ARHGEF37: variants seen among roughly 807,000 people sequenced by gnomAD.
The protein encoded by ARHGEF37 is Rho guanine nucleotide exchange factor (GEF) 37.
Under a neutral mutation model 71.1 loss-of-function variants are expected in ARHGEF37, and 55 were observed. The ratio of observed to expected loss-of-function variants is 0.77; its 90% CI spans 0.62 to 0.97. ARHGEF37 has a LOEUF of 0.97. ARHGEF37 is among the 50% of genes least tolerant of loss of function. The pLI is 0.00. For missense variants in ARHGEF37, 765 were observed against 836.8 expected, an observed-to-expected ratio of 0.91 and a Z score of 1.06; for synonymous variants, 327 against 350.6, an observed-to-expected ratio of 0.93 and a Z score of 0.75.
chr5:149,628,928 A>G lies in ARHGEF37; in HGVS notation c.1780A>G (p.Ser594Gly). The G allele has an allele frequency of 6.2e-7, 1 of 1,613,088 alleles. No homozygotes were observed. Among genetic ancestry groups the G allele is most frequent in the Non-Finnish European group, 8.5e-7 (1 of 1,179,992 alleles). ...CCCCCGATGTCTAACACCGGAGCCC[A>G]GCCCAGCTCTAGTGCCCTCTATTCC... is the stretch of plus-strand genomic sequence containing the variant. ...KDPRCLTPEP[S>G]PALVPSIPTM... Residue 594 changes from serine to glycine, a missense_variant, in exon 12 of 13, where the codon AGC (serine) becomes GGC (glycine). Ser to Gly is a moderately conservative substitution (Grantham distance 56, BLOSUM62 0). Around this residue, in one of 5 missense-constraint regions of ARHGEF37, gnomAD observed 390 missense variants for 407.4 expected, o/e 0.96. Transcript: ENST00000333677.
chr5:149,621,654 A>C, intron 8 of ARHGEF37, 79 bp from the exon 9 acceptor site: 1 of 1,342,420 alleles, frequency 7.4e-7, no homozygotes, highest in Non-Finnish European at 1.0e-6. Flanking sequence ...CCAGGCCTGC[A>C]TGCTTCCAAA....
At chr5:149,613,092 A>AC (rs1398129284) in intron 4 of ARHGEF37, among the ~76,000 whole-genome samples, 1 of 152,236 alleles carries the variant, frequency 6.6e-6, no homozygotes, top group East Asian at 1.9e-4. Flanking sequence ...CAATTCCAGA[A>AC]TGATGGCTGA....
chr5:149,629,632 A>G (rs1478407058), intron 12 of ARHGEF37, among the ~76,000 whole-genome samples: 1 of 152,130 alleles, frequency 6.6e-6, no homozygotes, highest in African/African-American at 2.4e-5. Context: ...GACAGACTGG[A>G]GTGTCGTGCT....
chr5:149,613,979 G>A (rs1053136950), intron 4 of ARHGEF37, among the ~76,000 whole-genome samples: 2 of 151,526 alleles, frequency 1.3e-5, no homozygotes, highest in African/African-American at 4.9e-5. Context: ...GCCCAGGCTG[G>A]TCTCCAACTC....
chr5:149,594,516 T>C (rs1450964141), intron 1 of ARHGEF37, among the ~76,000 whole-genome samples: 1 of 152,212 alleles, frequency 6.6e-6, no homozygotes, highest in Non-Finnish European at 1.5e-5. Context: ...TACTCTCCGA[T>C]CTATGGAACA....
chr5:149,624,612 A>G lies in ARHGEF37; in HGVS notation c.1464+472A>G, dbSNP rs981141652. ...AACATGGCAAAACCCTGTCTCTACT[A>G]AAAATACAAAAATTAGCTGAGCGTG... is the stretch of plus-strand genomic sequence containing the variant. On this transcript the variant is annotated intron_variant, in intron 10 of 12. Coordinates refer to ENST00000333677, the MANE Select transcript of ARHGEF37 (RefSeq NM_001001669.3). 2.1e-5 allele frequency among the ~76,000 whole-genome samples: 3 copies of G among 146,268 alleles called. No individual in the cohort carries two copies. In the East Asian group the frequency reaches 6.0e-4, roughly 29 times the overall value.
chr5:149,588,278 G>A (rs1052293733), intron 1 of ARHGEF37, among the ~76,000 whole-genome samples: 3 of 151,738 alleles, frequency 2.0e-5, no homozygotes, highest in African/African-American at 7.3e-5. Flanking sequence ...TTACAGGGTT[G>A]TTATAAGATT....
intron 9 of ARHGEF37, among the ~76,000 whole-genome samples, chr5:149,623,208 G>A (rs940196774): frequency 1.3e-5 from 2 of 152,154 alleles, no homozygotes; most frequent in African/African-American, 4.8e-5. Flanking sequence ...ATCTCCTGAG[G>A]GGGAGAAGTC....
chr5:149,607,627 G>A (rs1763950781), intron 3 of ARHGEF37, among the ~76,000 whole-genome samples: 1 of 152,208 alleles, frequency 6.6e-6, no homozygotes, highest in Non-Finnish European at 1.5e-5. Flanking sequence ...TCAGCAAAGG[G>A]TGGTGGGATT....
At chr5:149,574,321 AG>A (rs1561784983) in intron 1 of ARHGEF37, among the ~76,000 whole-genome samples, 1 of 152,246 alleles carries the variant, frequency 6.6e-6, no homozygotes, top group Non-Finnish European at 1.5e-5. Flanking sequence ...AATACTTGGA[AG>A]GGTACTGATC....
At chr5:149,564,809 A>T (rs1320040819) in intron 1 of ARHGEF37, among the ~76,000 whole-genome samples, 2 of 152,132 alleles carry the variant, frequency 1.3e-5, no homozygotes, top group African/African-American at 4.8e-5. Context: ...GGGCAACAAG[A>T]GTGAAACTCT....
intron 1 of ARHGEF37, among the ~76,000 whole-genome samples, chr5:149,555,987 C>A (rs1762749132): frequency 6.6e-6 from 1 of 151,960 alleles, no homozygotes; most frequent in African/African-American, 2.4e-5. Flanking sequence ...AAAACAAAAA[C>A]CATTTTTTTA....
rs780868133 is a variant in ARHGEF37 at position 149,627,148 on chromosome 5, G to C, written c.1537G>C (p.Val513Leu). Residue 513 changes from valine to leucine, a missense_variant, in exon 11 of 13, where the codon GTG becomes CTG. Around this residue, in one of 5 missense-constraint regions of ARHGEF37, gnomAD observed 390 missense variants for 407.4 expected, o/e 0.96. Transcript: ENST00000333677. ...GTATGGCCCTGGGAAGCTGTACCAG[G>C]TGACAAGCAACATCAGTGGGACTGG... ...SRYGPGKLYQ[V>L]TSNISGTGTL... The C allele has an allele frequency of 2.5e-6, 4 of 1,614,058 alleles. No individual in the cohort carries two copies. The African/African-American group carries it at 4.0e-5, about 16-fold the overall frequency.
intron 2 of ARHGEF37, among the ~76,000 whole-genome samples, chr5:149,598,263 C>CTCCCCTTCTTCTTCTTCTTCTTCTTCT (rs71587782): frequency 1.5e-5 from 1 of 67,692 alleles, no homozygotes; most frequent in South Asian, 7.7e-4. Flanking sequence ...CTTAAACTGA[C>CTCCCCTTCTTCTTCTTCTTCTTCTTCT]TCTTCTTCTT....
intron 10 of ARHGEF37, 26 bp downstream of exon 10, chr5:149,624,166 G>A: frequency 1.9e-6 from 3 of 1,591,490 alleles, no homozygotes; most frequent in Non-Finnish European, 2.6e-6. Flanking sequence ...CCACCCCAAA[G>A]ACTGTCCAGT....
At chr5:149,604,595 C>A (rs923169341) in intron 3 of ARHGEF37, among the ~76,000 whole-genome samples, 7 of 151,798 alleles carry the variant, frequency 4.6e-5, no homozygotes, top group Admixed American at 3.9e-4. Context: ...CTGGCTCTTG[C>A]CTGCTGTCTC....
chr5:149,583,565 C>T (rs1168114856), intron 1 of ARHGEF37, among the ~76,000 whole-genome samples: 1 of 152,240 alleles, frequency 6.6e-6, no homozygotes, highest in African/African-American at 2.4e-5. Flanking sequence ...AGTTGGCTCA[C>T]ATCCCTCTTG....
In ARHGEF37 at chr5:149,627,250, C is replaced by A. The variant is rs201376691; in HGVS notation, c.1639C>A (p.Arg547Ser). ...QNKDTKGNSGRWLVDTGGHRG... is the reference protein window; with the variant it reads ...QNKDTKGNSGSWLVDTGGHRG... Reference sequence around the variant, plus strand: ...CAAGGACACCAAAGGCAACAGCGGCCGCTGGCTGGTGGACACCGGGGGTAC... The same window carrying A: ...CAAGGACACCAAAGGCAACAGCGGCAGCTGGCTGGTGGACACCGGGGGTAC... The change falls in exon 11 of 13, where the codon CGC (arginine) becomes AGC (serine). Residue 547 changes from arginine (R) to serine (S), a missense_variant. Coordinates refer to ENST00000333677, the MANE Select transcript of ARHGEF37 (RefSeq NM_001001669.3). The A allele has an allele frequency of 4.3e-6, 7 of 1,613,806 alleles. No homozygotes were observed. The East Asian group carries it at 1.6e-4, about 36-fold the overall frequency.
At chr5:149,602,032 G>A (rs878963032) in intron 3 of ARHGEF37, among the ~76,000 whole-genome samples, 3 of 151,490 alleles carry the variant, frequency 2.0e-5, no homozygotes, top group Admixed American at 6.6e-5. Flanking sequence ...GAAGTGACAC[G>A]GTTTGATTTA....
Sources: gnomAD v4.1 joint callset for allele counts (sites outside exome capture counted in the v4.1 genomes callset) on GRCh38, gnomAD v4.1.1 for gene constraint, gnomAD v4.1.1 regional missense constraint, MANE v1.5 for transcripts, NCBI Gene and HGNC (gene_info 2026-07-23, HGNC 2026-07-21) for gene names.